Variants in METTL16 observed in about 807,000 individuals in gnomAD.
The protein encoded by METTL16 is RNA N(6)-adenosine-methyltransferase METTL16.
METTL16 carries 19 observed loss-of-function variants against 57.9 expected under a neutral mutation model. The observed-to-expected ratio is 0.33, with a 90% CI of 0.23 to 0.48. METTL16 has a LOEUF of 0.48. METTL16 is among the 20% of genes least tolerant of loss of function. METTL16 has a pLI of 0.99. For missense variants in METTL16, 434 were observed against 691.5 expected (o/e 0.63, Z 4.18); for synonymous variants, 246 against 255.6 (o/e 0.96, Z 0.36).
At chr17:2,490,773 T>G (rs1394948230) in intron 2 of METTL16, among the ~76,000 whole-genome samples, 1 of 152,106 alleles carries the variant, frequency 6.6e-6, no homozygotes, top group Non-Finnish European at 1.5e-5. Context: ...AAGAGAACAA[T>G]GTAATTAATG....
intron 1 of METTL16, among the ~76,000 whole-genome samples, chr17:2,509,805 T>C (rs1330490623): frequency 3.3e-5 from 5 of 150,556 alleles, no homozygotes; most frequent in Admixed American, 6.6e-5. Context: ...CCCAGCTACT[T>C]GGGAGGCTGA....
At chr17:2,476,095 CT>C (rs2067266872) in intron 3 of METTL16, among the ~76,000 whole-genome samples, 1 of 152,166 alleles carries the variant, frequency 6.6e-6, no homozygotes, top group Non-Finnish European at 1.5e-5. Flanking sequence ...TATTTTTTCA[CT>C]GCATGTGGAG....
intron 6 of METTL16, among the ~76,000 whole-genome samples, chr17:2,459,166 C>A (rs532677444): frequency 4.6e-5 from 7 of 152,098 alleles, no homozygotes; most frequent in Non-Finnish European, 7.4e-5. Flanking sequence ...GCACAAAAAG[C>A]CAAAGTAAGG....
At chr17:2,437,738 C>T (rs1369159880) in intron 8 of METTL16, among the ~76,000 whole-genome samples, 5 of 152,122 alleles carry the variant, frequency 3.3e-5, no homozygotes, top group Non-Finnish European at 7.4e-5. Flanking sequence ...TTAGCAGAGA[C>T]ACAGTTTCAC....
At chr17:2,485,490 G>C (rs2067334976) in intron 2 of METTL16, among the ~76,000 whole-genome samples, 1 of 152,128 alleles carries the variant, frequency 6.6e-6, no homozygotes, top group African/African-American at 2.4e-5. Flanking sequence ...AAAAAGGTTG[G>C]AGACCACTGC....
Position 2,467,623 on chromosome 17 carries a change from T to C in METTL16, c.585+138A>G. ...TTGTATCTTTAGTAGAGACGGAGTTTCACCATGTTGGCCAGGCTGGTCTCA... is the reference window on the plus strand; with the variant it reads ...TTGTATCTTTAGTAGAGACGGAGTTCCACCATGTTGGCCAGGCTGGTCTCA... On this transcript the variant is annotated intron_variant, in intron 5 of 9. Coordinates refer to ENST00000263092, the MANE Select transcript of METTL16 (RefSeq NM_024086.4). 4 of 583,966 alleles carry C rather than the reference T, an allele frequency of 6.8e-6. No homozygotes were observed. The South Asian group carries it at 7.5e-5, about 11-fold the overall frequency. 36.2% of individuals were successfully genotyped at this position (583,966 alleles called of 1,614,324 possible).
At chr17:2,457,380 A>T (rs1042662890) in intron 6 of METTL16, among the ~76,000 whole-genome samples, 1 of 145,718 alleles carries the variant, frequency 6.9e-6, no homozygotes, top group Non-Finnish European at 1.5e-5. Context: ...TCTAACATTT[A>T]TACTACATGC....
intron 2 of METTL16, among the ~76,000 whole-genome samples, chr17:2,495,729 C>A (rs1026583865): frequency 2.5e-4 from 38 of 150,556 alleles, no homozygotes; most frequent in Admixed American, 9.3e-4. Flanking sequence ...ATTATTTCAA[C>A]CCTCATAGGT....
chr17:2,448,012 G>C (rs2067024300), intron 6 of METTL16, among the ~76,000 whole-genome samples: 1 of 102,590 alleles, frequency 9.7e-6, no homozygotes, highest in Non-Finnish European at 2.0e-5. Flanking sequence ...GCCTCTGCCC[G>C]GCCGCCCCTA....
At chr17:2,507,383 T>C (rs1256913951) in intron 1 of METTL16, among the ~76,000 whole-genome samples, 1 of 128,290 alleles carries the variant, frequency 7.8e-6, no homozygotes, top group African/African-American at 3.0e-5. Context: ...GGTGGGGGGG[T>C]CAGCCCCCAG....
chr17:2,442,058 C>G (rs2066956446), intron 6 of METTL16, among the ~76,000 whole-genome samples: 1 of 152,032 alleles, frequency 6.6e-6, no homozygotes, highest in African/African-American at 2.4e-5. Context: ...AAAAACAAAT[C>G]CAGAAGAAGG....
chr17:2,465,298 C>T (rs981956626), intron 5 of METTL16, among the ~76,000 whole-genome samples: 2 of 151,250 alleles, frequency 1.3e-5, no homozygotes, highest in African/African-American at 4.9e-5. Flanking sequence ...CATCCCAGCA[C>T]TTTAGGAGGC....
intron 6 of METTL16, among the ~76,000 whole-genome samples, chr17:2,461,397 C>G (rs1463316943): frequency 6.6e-6 from 1 of 151,734 alleles, no homozygotes; most frequent in Admixed American, 6.6e-5. Context: ...CAAACAAAAA[C>G]AGGATATTTG....
intron 5 of METTL16, among the ~76,000 whole-genome samples, chr17:2,466,377 C>T (rs1285534931): frequency 6.6e-6 from 1 of 152,034 alleles, no homozygotes; most frequent in East Asian, 1.9e-4. Flanking sequence ...TATTGCTGTA[C>T]CACAAGTAAA....
chr17:2,464,176 A>C, intron 6 of METTL16, 32 bp downstream of exon 6: 1 of 1,597,044 alleles, frequency 6.3e-7, no homozygotes, highest in Admixed American at 1.8e-5. Context: ...TGTGTTGTAA[A>C]GATGGACTCT....
intron 2 of METTL16, among the ~76,000 whole-genome samples, chr17:2,499,460 C>T (rs953235885): frequency 6.8e-6 from 1 of 147,632 alleles, no homozygotes; most frequent in Admixed American, 6.7e-5. Flanking sequence ...CAGTGTTGCA[C>T]CCCACTAAAA....
At chr17:2,502,929 TAAAA>T (rs1232659982) in intron 1 of METTL16, among the ~76,000 whole-genome samples, 1 of 151,748 alleles carries the variant, frequency 6.6e-6, no homozygotes, top group Non-Finnish European at 1.5e-5. Context: ...AATAAAAAAT[TAAAA>T]AAACAGAAAC....
At chr17:2,429,402 G>A (rs536733759) in intron 8 of METTL16, among the ~76,000 whole-genome samples, 62 of 150,044 alleles carry the variant, frequency 4.1e-4, no homozygotes, top group African/African-American at 1.4e-3. Flanking sequence ...TGGCCAGGCT[G>A]GTCTCGAACT....
At chr17:2,468,857 C>T (rs775585940) in intron 4 of METTL16, among the ~76,000 whole-genome samples, 4 of 151,902 alleles carry the variant, frequency 2.6e-5, no homozygotes, top group Non-Finnish European at 4.4e-5. Context: ...CACGGCACAC[C>T]GGCATGGATG....
Sources: allele counts gnomAD v4.1 joint callset (sites outside exome capture counted in the v4.1 genomes callset), GRCh38; gene constraint gnomAD v4.1.1; transcripts MANE v1.5; gene names NCBI Gene and HGNC (gene_info 2026-07-23, HGNC 2026-07-21).